The following HTN1 variants were observed in gnomAD, a reference collection of about 807,000 sequenced individuals.
HTN1 encodes histatin 1.
HTN1 carries 18 observed loss-of-function variants against 11.2 expected under a neutral mutation model. The ratio of observed to expected loss-of-function variants is 1.61; its 90% CI spans 1.12 to 2.39. The LOEUF (loss-of-function observed/expected upper bound fraction) is 2.39. Ranked by LOEUF, HTN1 falls within the 30% of genes most tolerant of loss-of-function variation. The pLI is 0.00. For missense variants in HTN1, 80 were observed against 67.2 expected, an observed-to-expected ratio of 1.19 and a Z score of -0.67; for synonymous variants, 21 against 20.5, an observed-to-expected ratio of 1.02 and a Z score of -0.07.
chr4:70,054,218 C>G, intron 2 of HTN1, 104 bp from the exon 3 acceptor site: 1 of 704,612 alleles, frequency 1.4e-6, no homozygotes, highest in Non-Finnish European at 2.3e-6. Context: ...CAAAGAATGC[C>G]TCCATTCTGT....
At chr4:70,055,082 A>C (rs1325998893) in intron 4 of HTN1, among the ~76,000 whole-genome samples, 1 of 152,058 alleles carries the variant, frequency 6.6e-6, no homozygotes, top group African/African-American at 2.4e-5. Flanking sequence ...AGAATGTAGG[A>C]GTTGTAAAGG....
At chr4:70,050,601 A>G (rs1459679261) in intron 1 of HTN1, 106 bp downstream of exon 1, 1 of 152,118 alleles carries the variant, frequency 6.6e-6, no homozygotes, top group Non-Finnish European at 1.5e-5. Flanking sequence ...ATTTAAATCT[A>G]GTTTACTTGA....
At position 70,058,798 on chromosome 4, in the gene HTN1, T is replaced by A. The variant is rs556696226; in HGVS notation, c.*252T>A. ...AGCTGTTTTCACTGCTGTTTCTGAGTAATAGAAATTCATTCCTCTCCAAAA... is the reference window on the plus strand; with the variant it reads ...AGCTGTTTTCACTGCTGTTTCTGAGAAATAGAAATTCATTCCTCTCCAAAA... On this transcript the variant is annotated 3_prime_UTR_variant, in exon 6 of 6. Coordinates refer to ENST00000246896, the MANE Select transcript of HTN1 (RefSeq NM_002159.4). 5.1e-4 allele frequency: 77 copies of A among 152,296 alleles called. No individual in the cohort carries two copies. Among genetic ancestry groups the A allele is most frequent in the African/African-American group, 1.8e-3 (74 of 41,564 alleles). 9.4% of individuals were successfully genotyped at this position (152,296 alleles called of 1,614,324 possible). A position where few individuals can be genotyped will look rare whatever the true frequency, so the allele number is the denominator to read the frequency against.
At chr4:70,050,664 A>G (rs1661922957) in intron 1 of HTN1, among the ~76,000 whole-genome samples, 169 bp downstream of exon 1, 1 of 152,180 alleles carries the variant, frequency 6.6e-6, no homozygotes, top group African/African-American at 2.4e-5. Context: ...TACCTATAGA[A>G]TACCATAATT....
At chr4:70,057,423 G>T (rs779908921) in intron 5 of HTN1, 1 of 152,076 alleles carries the variant, frequency 6.6e-6, no homozygotes, top group Non-Finnish European at 1.5e-5. Flanking sequence ...TGATCAATAG[G>T]TGCAGCAAAC....
intron 1 of HTN1, among the ~76,000 whole-genome samples, chr4:70,052,138 C>T (rs1265381346): frequency 6.6e-6 from 1 of 152,100 alleles, no homozygotes; most frequent in Non-Finnish European, 1.5e-5. Context: ...GAATAATCTT[C>T]ACCAGTTCAA....
At chr4:70,058,391 A>T (rs1726096799) in intron 5 of HTN1, 189 bp from the exon 6 acceptor site, 1 of 152,110 alleles carries the variant, frequency 6.6e-6, no homozygotes, top group South Asian at 2.1e-4. Context: ...CTGAATGATA[A>T]TTTTTATTTA....
chr4:70,051,398 G>T (rs1412376666), intron 1 of HTN1, among the ~76,000 whole-genome samples: 1 of 152,010 alleles, frequency 6.6e-6, no homozygotes, highest in East Asian at 1.9e-4. Flanking sequence ...AGAGTTTACT[G>T]TTCCAAATTT....
intron 4 of HTN1, among the ~76,000 whole-genome samples, chr4:70,054,695 A>G (rs1407941815): frequency 6.6e-6 from 1 of 152,068 alleles, no homozygotes; most frequent in Non-Finnish European, 1.5e-5. Flanking sequence ...CTGAGAACTT[A>G]TCTTTGTCCT....
chr4:70,053,050 G>T lies in HTN1; in HGVS notation c.-13-14G>T. 2 of 1,535,200 alleles carry T rather than the reference G, an allele frequency of 1.3e-6. No homozygotes were observed. The highest frequency in any genetic ancestry group is 1.8e-6 in the Non-Finnish European group (2 of 1,109,194). ...AAGAATGTGATTACTGATTTTTCATGTTTGATTTTATAGGACTCAGCCAAC... is the reference window on the plus strand; with the variant it reads ...AAGAATGTGATTACTGATTTTTCATTTTTGATTTTATAGGACTCAGCCAAC... On this transcript the variant is annotated splice_polypyrimidine_tract_variant and intron_variant, in intron 1 of 5. Transcript: ENST00000246896.
At chr4:70,058,549 A>C (rs1350495397) in intron 5 of HTN1, 31 bp from the exon 6 acceptor site, 1 of 152,158 alleles carries the variant, frequency 6.6e-6, no homozygotes, top group African/African-American at 2.4e-5. Context: ...TCCATTTTGA[A>C]GATAAAGTGT....
At chr4:70,056,286 G>T (rs1284331448) in intron 5 of HTN1, 1 of 151,960 alleles carries the variant, frequency 6.6e-6, no homozygotes, top group Non-Finnish European at 1.5e-5. Context: ...AAGTAATCAA[G>T]AAAGGATCTC....
At position 70,053,145 on chromosome 4, in the gene HTN1, T is replaced by A. The variant is rs772979899; in HGVS notation, c.51+18T>A. On this transcript the variant is annotated intron_variant, in intron 2 of 5. Coordinates refer to ENST00000246896, the MANE Select transcript of HTN1 (RefSeq NM_002159.4). ...CCATGATTGTAAGTATATCTGGAAA[T>A]TTTAAATACTACATTCTCAGTACTT... The A allele has an allele frequency of 4.6e-6, 7 of 1,519,306 alleles. No individual in the cohort carries two copies. The highest frequency in any genetic ancestry group is 6.4e-6 in the Non-Finnish European group (7 of 1,094,632). The allele number at this position is 1,519,306 out of a possible 1,614,324, so 94.1% of individuals were successfully genotyped here.
chr4:70,054,299 T>C, intron 2 of HTN1, 23 bp from the exon 3 acceptor site: 2 of 1,358,076 alleles, frequency 1.5e-6, no homozygotes, highest in Non-Finnish European at 2.0e-6. Flanking sequence ...ATTAATTATT[T>C]TCTCATTTTC....
chr4:70,053,485 T>C (rs1158612735), intron 2 of HTN1, among the ~76,000 whole-genome samples: 1 of 152,168 alleles, frequency 6.6e-6, no homozygotes. Context: ...TGCACTTCAA[T>C]GGAACCCAAG....
exon 6 of HTN1, chr4:70,058,841 CATT>C (rs1286744038): frequency 1.3e-5 from 2 of 152,148 alleles, no homozygotes; most frequent in African/African-American, 2.4e-5. Flanking sequence ...ATTTCTAGCA[CATT>C]ATTATGTGTA....
At chr4:70,055,390 G>C (rs2109729671) in intron 4 of HTN1, 108 bp from the exon 5 acceptor site, 1 of 777,586 alleles carries the variant, frequency 1.3e-6, no homozygotes, top group Non-Finnish European at 2.2e-6. Context: ...AAAATACAAG[G>C]TCTTAACAAC....
At chr4:70,053,509 C>A (rs940025441) in intron 2 of HTN1, among the ~76,000 whole-genome samples, 3 of 152,182 alleles carry the variant, frequency 2.0e-5, no homozygotes, top group Admixed American at 6.5e-5. Context: ...TAGAGGGTGT[C>A]AAAATAGGAA....
At chr4:70,053,172 T>C (rs764036130) in intron 2 of HTN1, 45 bp downstream of exon 2, 3 of 1,223,668 alleles carry the variant, frequency 2.5e-6, no homozygotes, top group Non-Finnish European at 2.4e-6. Context: ...TCAGTACTTA[T>C]CCCAAGTGTC....
Sources: gnomAD v4.1 joint callset for allele counts (sites outside exome capture counted in the v4.1 genomes callset) on GRCh38, gnomAD v4.1.1 for gene constraint, MANE v1.5 for transcripts, NCBI Gene and HGNC (gene_info 2026-07-23, HGNC 2026-07-21) for gene names.